PPP2R5E: variants seen among roughly 807,000 people sequenced by gnomAD.
PPP2R5E encodes the protein serine/threonine-protein phosphatase 2A 56 kDa regulatory subunit epsilon isoform.
In PPP2R5E, 4 loss-of-function variants were observed where a neutral mutation model predicts 65.3. That is an observed-to-expected ratio of 0.06 (90% CI 0.03 to 0.14). The LOEUF (loss-of-function observed/expected upper bound fraction) is 0.14. PPP2R5E is among the 10% of genes least tolerant of loss of function. The pLI is 1.00. For missense variants in PPP2R5E, 274 were observed against 556.1 expected (o/e 0.49, Z 5.10); for synonymous variants, 183 against 187.4 (o/e 0.98, Z 0.19).
At chr14:63,468,640 C>G (rs1889959545) in intron 2 of PPP2R5E, among the ~76,000 whole-genome samples, 1 of 152,190 alleles carries the variant, frequency 6.6e-6, no homozygotes, top group South Asian at 2.1e-4. Flanking sequence ...GGGTCTCACA[C>G]ATCAAGGCTT....
intron 2 of PPP2R5E, among the ~76,000 whole-genome samples, chr14:63,485,646 T>G (rs1344146397): frequency 2.0e-5 from 3 of 151,936 alleles, no homozygotes; most frequent in African/African-American, 7.3e-5. Context: ...ACTCCCAACC[T>G]CAGGTGATCC....
intron 2 of PPP2R5E, among the ~76,000 whole-genome samples, chr14:63,538,460 G>C (rs1459638709): frequency 6.6e-6 from 1 of 150,522 alleles, no homozygotes; most frequent in Non-Finnish European, 1.5e-5. Context: ...TCACCATGTT[G>C]GCCAGGCTGG....
At chr14:63,450,123 G>T (rs551245079) in intron 3 of PPP2R5E, among the ~76,000 whole-genome samples, 2 of 152,040 alleles carry the variant, frequency 1.3e-5, no homozygotes, top group African/African-American at 4.8e-5. Flanking sequence ...TGATCCACGC[G>T]CCTCAGCCTC....
chr14:63,507,537 A>C (rs1489252294), intron 2 of PPP2R5E, among the ~76,000 whole-genome samples: 1 of 151,476 alleles, frequency 6.6e-6, no homozygotes, highest in Non-Finnish European at 1.5e-5. Flanking sequence ...TAAAAAAAAA[A>C]AACAAGACTT....
At chr14:63,453,122 T>C (rs145519852) in intron 3 of PPP2R5E, 1 of 152,356 alleles carries the variant, frequency 6.6e-6, no homozygotes, top group African/African-American at 2.4e-5. Flanking sequence ...ATTATGTTAA[T>C]AATGTTTTTC....
chr14:63,410,493 G>T (rs1214621751), intron 5 of PPP2R5E, among the ~76,000 whole-genome samples: 1 of 152,052 alleles, frequency 6.6e-6, no homozygotes, highest in African/African-American at 2.4e-5. Context: ...AGTGAGACGG[G>T]GGATAATGGG....
intron 3 of PPP2R5E, 107 bp downstream of exon 3, chr14:63,453,581 TC>T: frequency 1.9e-6 from 2 of 1,056,464 alleles, no homozygotes; most frequent in Non-Finnish European, 2.7e-6. Flanking sequence ...AAAGGTTGGC[TC>T]TCATTTGTGG....
intron 2 of PPP2R5E, among the ~76,000 whole-genome samples, chr14:63,511,055 G>A (rs937403963): frequency 5.9e-5 from 9 of 152,168 alleles, no homozygotes; most frequent in African/African-American, 2.2e-4. Context: ...TGCAGAAATG[G>A]CCACAAATTC....
intron 2 of PPP2R5E, among the ~76,000 whole-genome samples, chr14:63,518,725 T>C (rs1413872336): frequency 6.6e-6 from 1 of 152,140 alleles, no homozygotes; most frequent in Non-Finnish European, 1.5e-5. Flanking sequence ...AAGAGAACTT[T>C]TTAAAATTCC....
intron 2 of PPP2R5E, among the ~76,000 whole-genome samples, chr14:63,528,259 T>TGTTTA (rs1374323368): frequency 6.6e-6 from 1 of 152,208 alleles, no homozygotes; most frequent in East Asian, 1.9e-4. Flanking sequence ...GTTTTACAAA[T>TGTTTA]CAGAGAACAT....
rs1213230498 is a variant in PPP2R5E, at chr14:63,395,266, G to A, written c.700C>T (p.His234Tyr). The A allele has an allele frequency of 6.2e-7, 1 of 1,609,632 alleles. No homozygotes were observed. The highest frequency in any genetic ancestry group is 8.5e-7 in the Non-Finnish European group (1 of 1,177,030). ...AGCAGTTCAGCTACACCATTGAAGT[G>A]TTCTGTTTCATAAACAAACCTGAGA... The part of the protein sequence containing the change: ...IFLRFVYETE[H>Y]FNGVAELLEI... The change falls in exon 7 of 14, where the codon CAC (histidine) becomes TAC (tyrosine). Residue 234 changes from histidine (H) to tyrosine (Y), a missense_variant. His to Tyr is a moderately conservative substitution (Grantham distance 83). This residue lies in a region of PPP2R5E where 17 missense variants were observed against 90.3 expected (regional missense o/e 0.19). Transcript: ENST00000337537.
intron 2 of PPP2R5E, among the ~76,000 whole-genome samples, chr14:63,499,453 A>AG (rs1205729024): frequency 2.6e-5 from 4 of 152,218 alleles, no homozygotes; most frequent in African/African-American, 9.6e-5. Flanking sequence ...GGCTGGGTGC[A>AG]GGGGCTCACA....
chr14:63,430,296 T>C (rs895979564), intron 3 of PPP2R5E, among the ~76,000 whole-genome samples: 1 of 151,778 alleles, frequency 6.6e-6, no homozygotes, highest in African/African-American at 2.4e-5. Context: ...GGAGGATCAC[T>C]TGTGGCTAGG....
At chr14:63,481,295 G>A (rs547916098) in intron 2 of PPP2R5E, among the ~76,000 whole-genome samples, 7 of 152,092 alleles carry the variant, frequency 4.6e-5, no homozygotes, top group South Asian at 2.1e-4. Context: ...TCAGGAGTTC[G>A]AGACCAGCTG....
intron 2 of PPP2R5E, among the ~76,000 whole-genome samples, chr14:63,465,625 C>CA (rs199918275): frequency 2.6e-5 from 4 of 151,452 alleles, no homozygotes; most frequent in East Asian, 1.9e-4. Flanking sequence ...GACCCTGTTT[C>CA]AAAAAAAAAT....
intron 5 of PPP2R5E, among the ~76,000 whole-genome samples, chr14:63,405,743 TAAAG>T (rs1265412184): frequency 6.6e-6 from 1 of 152,174 alleles, no homozygotes; most frequent in African/African-American, 2.4e-5. Context: ...TGGGGGATCA[TAAAG>T]AAACCATTTT....
chr14:63,396,549 T>C (rs1405665449), intron 6 of PPP2R5E, 37 bp downstream of exon 6: 2 of 1,605,170 alleles, frequency 1.2e-6, no homozygotes, highest in South Asian at 2.2e-5. Flanking sequence ...AAACACCAAC[T>C]TTGCTTCTCC....
intron 7 of PPP2R5E, 151 bp from the exon 8 acceptor site, chr14:63,394,079 T>A: frequency 4.4e-6 from 2 of 458,970 alleles, no homozygotes; most frequent in East Asian, 4.3e-5. Flanking sequence ...CCTTTTTTTT[T>A]TTTTTTTTTT....
In PPP2R5E at chr14:63,380,820, C is replaced by T. The variant is rs192575954; in HGVS notation, c.1304+1236G>A. Among the ~76,000 whole-genome samples the T allele has an allele frequency of 1.3e-3, 202 of 152,250 alleles. 1 individual carries two copies. The highest frequency in any genetic ancestry group is 4.0e-3 in the Admixed American group (61 of 15,288). ...CCATAATTAAGTTGGTTTTCATAAA[C>T]CACATCCCTGGTAACTTAAAACAAA... is the stretch of plus-strand genomic sequence containing the variant. On this transcript the variant is annotated intron_variant, in intron 13 of 13. Coordinates refer to ENST00000337537, the MANE Select transcript of PPP2R5E (RefSeq NM_006246.5).
Sources: gnomAD v4.1 joint callset for allele counts (sites outside exome capture counted in the v4.1 genomes callset) on GRCh38, gnomAD v4.1.1 for gene constraint, gnomAD v4.1.1 regional missense constraint, MANE v1.5 for transcripts, NCBI Gene and HGNC (gene_info 2026-07-23, HGNC 2026-07-21) for gene names.